The following TRMT9B variants were observed in gnomAD, a reference collection of about 807,000 sequenced individuals.
TRMT9B encodes the protein probable tRNA methyltransferase 9B.
TRMT9B carries 16 observed loss-of-function variants against 11.5 expected under a neutral mutation model. The observed-to-expected ratio is 1.39, with a 90% confidence interval of 0.94 to 2.11. The LOEUF (loss-of-function observed/expected upper bound fraction) is 2.11. TRMT9B is among the 30% of genes most tolerant of loss of function. TRMT9B has a pLI of 0.00. For synonymous variants in TRMT9B, 274 were observed against 192.4 expected (o/e 1.42, Z -3.51); for missense variants, 941 against 553.8 (o/e 1.70, Z -7.02).
intron 1 of TRMT9B, among the ~76,000 whole-genome samples, chr8:12,954,397 A>C (rs1262034982): frequency 6.6e-6 from 1 of 152,228 alleles, no homozygotes; most frequent in African/African-American, 2.4e-5. Context: ...AGACACAAGC[A>C]AGACATATTT....
intron 2 of TRMT9B, among the ~76,000 whole-genome samples, chr8:12,999,612 C>T (rs1399971491): frequency 6.6e-6 from 1 of 152,112 alleles, no homozygotes; most frequent in Non-Finnish European, 1.5e-5. Context: ...CGTATTTAGA[C>T]CTATTACATT....
Position 13,016,032 on chromosome 8 carries a change from G to A in TRMT9B, c.328+3175G>A, listed in dbSNP as rs868430430. On this transcript the variant is annotated intron_variant, in intron 4 of 4. Coordinates refer to ENST00000524591, the MANE Select transcript of TRMT9B (RefSeq NM_020844.3). ...AGGCTGGGGTGAGAGGATCCTTTGAGTTCAGGAGTTTGAGTCCAGCCTGGG... is the reference window on the plus strand; with the variant it reads ...AGGCTGGGGTGAGAGGATCCTTTGAATTCAGGAGTTTGAGTCCAGCCTGGG... 4.0e-5 allele frequency among the ~76,000 whole-genome samples: 6 copies of A among 150,666 alleles called. No homozygotes were observed. In the South Asian group the frequency reaches 8.4e-4, roughly 21 times the overall value.
intron 4 of TRMT9B, among the ~76,000 whole-genome samples, chr8:13,016,696 A>G (rs934967886): frequency 2.6e-5 from 4 of 151,900 alleles, no homozygotes; most frequent in Admixed American, 2.0e-4. Flanking sequence ...GCATTAACAT[A>G]GGAGCAATCA....
chr8:12,956,130 C>A (rs1201608617), intron 1 of TRMT9B, among the ~76,000 whole-genome samples: 1 of 152,182 alleles, frequency 6.6e-6, no homozygotes, highest in Non-Finnish European at 1.5e-5. Flanking sequence ...AGAACCCTAG[C>A]TGCAAGGGAC....
chr8:12,996,715 T>C (rs751933466), intron 2 of TRMT9B, among the ~76,000 whole-genome samples: 3 of 152,180 alleles, frequency 2.0e-5, no homozygotes, highest in Admixed American at 1.3e-4. Flanking sequence ...AATTGAAATA[T>C]ACATGGACCA....
At chr8:12,959,209 C>G (rs1481097124) in intron 1 of TRMT9B, among the ~76,000 whole-genome samples, 3 of 152,122 alleles carry the variant, frequency 2.0e-5, no homozygotes, top group Admixed American at 6.6e-5. Flanking sequence ...CATCCCTAAC[C>G]TGAAAATCCA....
At chr8:12,962,687 C>T (rs1009699745) in intron 1 of TRMT9B, among the ~76,000 whole-genome samples, 4 of 152,038 alleles carry the variant, frequency 2.6e-5, no homozygotes, top group African/African-American at 4.8e-5. Flanking sequence ...GACGGGGTCT[C>T]GCTATGTTGT....
At chr8:12,958,398 C>G (rs1449731439) in intron 1 of TRMT9B, 1 of 152,096 alleles carries the variant, frequency 6.6e-6, no homozygotes, top group Non-Finnish European at 1.5e-5. Context: ...AAAAGAAAAG[C>G]ATTCTTTTCT....
At position 13,024,348 on chromosome 8, in the gene TRMT9B, C is replaced by T. The variant is rs1814427714; in HGVS notation, c.*2304C>T. On this transcript the variant is annotated 3_prime_UTR_variant, in exon 5 of 5. Transcript: ENST00000524591. The stretch of plus-strand genomic sequence containing the variant: ...GTGAGCCACCGCGCCCGGCCTGTTC[C>T]TTTTATTTCTTAATTCAGGACACTA... The T allele has an allele frequency of 6.0e-6, 1 of 167,050 alleles. No homozygotes were observed. The allele number at this position is 167,050 out of a possible 1,614,324, so 10.3% of individuals were successfully genotyped here.
At chr8:12,990,318 G>A (rs1185658777) in intron 1 of TRMT9B, among the ~76,000 whole-genome samples, 2 of 151,982 alleles carry the variant, frequency 1.3e-5, no homozygotes, top group East Asian at 1.9e-4. Context: ...AGTGGTTTTT[G>A]GTGCATTATT....
rs1300137489 is a variant in TRMT9B, at chr8:13,027,878, A to G, written c.*5834A>G. 6.0e-6 allele frequency: 1 copy of G among 167,104 alleles called. No individual in the cohort carries two copies. The highest frequency in any genetic ancestry group is 1.5e-5 in the Non-Finnish European group (1 of 68,132). 10.4% of individuals were successfully genotyped at this position (167,104 alleles called of 1,614,324 possible). A position where few individuals can be genotyped will look rare whatever the true frequency, so the allele number is the denominator to read the frequency against. ...CTTGTTCCAATCTTAACTCAAAATT[A>G]TGATTATTTTGATTATTTAATGATT... On this transcript the variant is annotated 3_prime_UTR_variant, in exon 5 of 5. Coordinates refer to ENST00000524591, the MANE Select transcript of TRMT9B (RefSeq NM_020844.3).
intron 3 of TRMT9B, chr8:13,012,055 G>A (rs912110050): frequency 2.0e-5 from 20 of 985,182 alleles, no homozygotes; most frequent in Middle Eastern, 5.2e-4. Flanking sequence ...GTGGTCTCTC[G>A]GATACTAGAA....
In TRMT9B at chr8:12,990,952, A is replaced by G; in HGVS notation, c.-81A>G. 2 of 1,289,090 alleles carry G rather than the reference A, an allele frequency of 1.6e-6. No homozygotes were observed. Among genetic ancestry groups the G allele is most frequent in the African/African-American group, 1.5e-5 (1 of 65,964 alleles). The allele number at this position is 1,289,090 out of a possible 1,614,324, so 79.9% of individuals were successfully genotyped here. On this transcript the variant is annotated 5_prime_UTR_variant, in exon 2 of 5. Coordinates refer to ENST00000524591, the MANE Select transcript of TRMT9B (RefSeq NM_020844.3). The stretch of plus-strand genomic sequence containing the variant: ...CACATTGAGAAAGTTATGAGAAGCA[A>G]CTGTCACTCTCTGGAGGTGGAGACT...
At chr8:13,003,524 G>C (rs1809846792) in intron 2 of TRMT9B, among the ~76,000 whole-genome samples, 1 of 152,058 alleles carries the variant, frequency 6.6e-6, no homozygotes, top group Non-Finnish European at 1.5e-5. Context: ...CTGGATGAGA[G>C]GGAATGTGCC....
intron 1 of TRMT9B, among the ~76,000 whole-genome samples, chr8:12,948,249 T>G (rs1046692851): frequency 2.0e-5 from 3 of 152,006 alleles, no homozygotes; most frequent in African/African-American, 7.2e-5. Flanking sequence ...AATAAAGTGT[T>G]GAATATCTCA....
chr8:12,969,413 G>T (rs1394811499), intron 1 of TRMT9B, among the ~76,000 whole-genome samples: 2 of 152,020 alleles, frequency 1.3e-5, no homozygotes, highest in Non-Finnish European at 2.9e-5. Context: ...AAAGGGGATT[G>T]GTTCCAGGAC....
chr8:12,976,369 T>TC (rs1491204058), intron 1 of TRMT9B, among the ~76,000 whole-genome samples: 2 of 17,906 alleles, frequency 1.1e-4, no homozygotes, highest in Non-Finnish European at 3.1e-4. Context: ...TATGCTTTAC[T>TC]TTTTTTTTTT....
At chr8:12,946,180 T>G (rs1800255437) in intron 1 of TRMT9B, among the ~76,000 whole-genome samples, 2 of 152,220 alleles carry the variant, frequency 1.3e-5, no homozygotes, top group Admixed American at 1.3e-4. Flanking sequence ...AAGAAGCATC[T>G]AGATCAAGAA....
intron 2 of TRMT9B, among the ~76,000 whole-genome samples, chr8:12,998,406 C>T: frequency 6.6e-6 from 1 of 152,178 alleles, no homozygotes; most frequent in East Asian, 1.9e-4. Context: ...CAGAACTGTT[C>T]TAAAGCCACG....
Sources: allele counts gnomAD v4.1 joint callset (sites outside exome capture counted in the v4.1 genomes callset), GRCh38; gene constraint gnomAD v4.1.1; transcripts MANE v1.5; gene names NCBI Gene and HGNC (gene_info 2026-07-23, HGNC 2026-07-21).